Variants in TCEA3 observed in about 807,000 individuals in gnomAD.
TCEA3 encodes the protein transcription elongation factor A3.
In TCEA3, 36 loss-of-function variants were observed where a neutral mutation model predicts 44.0. That is an observed-to-expected ratio of 0.82 (90% CI 0.63 to 1.08). TCEA3 has a LOEUF of 1.08. Ranked by LOEUF, TCEA3 falls within the 50% of genes least tolerant of loss-of-function variation. TCEA3 has a pLI of 0.00. For synonymous variants in TCEA3, 162 were observed against 159.7 expected (o/e 1.01, Z -0.11); for missense variants, 392 against 441.2 (o/e 0.89, Z 1.00).
intron 2 of TCEA3, 109 bp from the exon 3 acceptor site, chr1:23,418,118 G>A: frequency 9.5e-7 from 1 of 1,057,728 alleles, no homozygotes. Context: ...TTCCAACCTG[G>A]ACCCCCAGAG....
chr1:23,415,172 A>G (rs1639853862), intron 4 of TCEA3, among the ~76,000 whole-genome samples: 1 of 151,518 alleles, frequency 6.6e-6, no homozygotes, highest in Non-Finnish European at 1.5e-5. Flanking sequence ...ACAGGCGTGC[A>G]CCACTACCCC....
chr1:23,418,017 G>GT lies in TCEA3; in HGVS notation c.133-9dup. The GT allele has an allele frequency of 6.2e-7, 1 of 1,613,776 alleles. No homozygotes were observed. The highest frequency in any genetic ancestry group is 8.5e-7 in the Non-Finnish European group (1 of 1,179,652). ...AACTCCAATCCTGGTTGTCTGCAAAGTGAGAGGGTTAAGGCATAATCTGGG... is the reference window on the plus strand; with the variant it reads ...AACTCCAATCCTGGTTGTCTGCAAAGTTGAGAGGGTTAAGGCATAATCTGGG... On this transcript the variant is annotated splice_polypyrimidine_tract_variant and intron_variant, in intron 2 of 10. Coordinates refer to ENST00000450454, the MANE Select transcript of TCEA3 (RefSeq NM_003196.3).
At position 23,397,591 on chromosome 1, in the gene TCEA3, C is replaced by T. The variant is rs1639255130; in HGVS notation, c.618G>A (p.Lys206=). The change falls in exon 7 of 11, where the codon AAG becomes AAA. Residue 206 remains lysine, a synonymous_variant. Transcript: ENST00000450454. ...TCTTGTCACAGTTGACTCCATAGTC[C>T]TTGTAATCATCTAAAAGAGATTCGA... ...SAALKADDDY[K]DYGVNCDKMA... The T allele has an allele frequency of 1.2e-6, 2 of 1,613,662 alleles. No homozygotes were observed. Among genetic ancestry groups the T allele is most frequent in the Non-Finnish European group, 8.5e-7 (1 of 1,179,812 alleles).
chr1:23,382,412 T>C (rs1396422959), intron 10 of TCEA3, among the ~76,000 whole-genome samples: 2 of 152,166 alleles, frequency 1.3e-5, no homozygotes, highest in Admixed American at 1.3e-4. Context: ...CCCGTAATAC[T>C]AGTAGATGAC....
chr1:23,385,580 C>T (rs537166374), intron 9 of TCEA3, among the ~76,000 whole-genome samples: 5 of 152,296 alleles, frequency 3.3e-5, no homozygotes, highest in Admixed American at 2.6e-4. Flanking sequence ...CACAGAATGC[C>T]GCAGGCAAGG....
chr1:23,381,404 G>C lies in TCEA3; in HGVS notation c.*62C>G. On this transcript the variant is annotated 3_prime_UTR_variant, in exon 11 of 11. Coordinates refer to ENST00000450454, the MANE Select transcript of TCEA3 (RefSeq NM_003196.3). ...CACTTTAATTTTTATTGCTTCTCCA[G>C]TTCAGATAATTCAGCGCTTCCTCTT... The C allele has an allele frequency of 2.6e-6, 2 of 778,672 alleles. No homozygotes were observed. The highest frequency in any genetic ancestry group is 4.8e-6 in the Non-Finnish European group (2 of 417,490). 48.2% of individuals were successfully genotyped at this position (778,672 alleles called of 1,614,324 possible).
chr1:23,394,087 GGCCTGGCCCTGAC>G, intron 7 of TCEA3, 54 bp from the exon 8 acceptor site: 2 of 1,595,002 alleles, frequency 1.3e-6, no homozygotes. Context: ...GAAGGGTGCA[GGCCTGGCCCTGAC>G]GCCTGAGAGC....
chr1:23,385,226 A>G (rs1196818989), intron 9 of TCEA3, among the ~76,000 whole-genome samples: 1 of 152,114 alleles, frequency 6.6e-6, no homozygotes, highest in Non-Finnish European at 1.5e-5. Flanking sequence ...GCAAGTCATT[A>G]CTTTGCTGAC....
At chr1:23,392,399 C>A (rs1259556437) in intron 8 of TCEA3, among the ~76,000 whole-genome samples, 1 of 11,148 alleles carries the variant, frequency 9.0e-5, no homozygotes, top group Non-Finnish European at 1.9e-4. Flanking sequence ...AAACACACTC[C>A]ACACATCATC....
At chr1:23,389,042 C>G (rs1044842273) in intron 8 of TCEA3, among the ~76,000 whole-genome samples, 17 of 152,078 alleles carry the variant, frequency 1.1e-4, no homozygotes, top group Non-Finnish European at 2.9e-5. Flanking sequence ...TGTTTAAGTC[C>G]TAGTGTGTTA....
At position 23,387,272 on chromosome 1, in the gene TCEA3, C is replaced by T. The variant is rs1344150901; in HGVS notation, c.966+1G>A. 2.5e-6 allele frequency: 4 copies of T among 1,613,560 alleles called. No individual in the cohort carries two copies. The highest frequency in any genetic ancestry group is 2.5e-6 in the Non-Finnish European group (3 of 1,179,868). Reference sequence around the variant, plus strand: ...CCGGCCCGTCCCCTCACTGTCCTTACCTGGTTATAGGTGCAGTTCTTCTTC... The same window carrying T: ...CCGGCCCGTCCCCTCACTGTCCTTATCTGGTTATAGGTGCAGTTCTTCTTC... On this transcript the variant is annotated splice_donor_variant, in intron 9 of 10. Coordinates refer to ENST00000450454, the MANE Select transcript of TCEA3 (RefSeq NM_003196.3). LOFTEE classifies it high-confidence loss of function.
intron 2 of TCEA3, chr1:23,418,348 G>A: frequency 3.8e-6 from 1 of 263,538 alleles, no homozygotes. Context: ...GTCTCGCTAT[G>A]TTGCCCAGGC....
At chr1:23,393,748 G>A in intron 8 of TCEA3, 131 bp downstream of exon 8, 1 of 1,217,372 alleles carries the variant, frequency 8.2e-7, no homozygotes, top group Non-Finnish European at 1.1e-6. Context: ...CCAGGGGGGA[G>A]GCTGAGATGA....
intron 1 of TCEA3, 98 bp downstream of exon 1, chr1:23,424,467 C>T (rs964292347): frequency 4.4e-6 from 5 of 1,133,412 alleles, no homozygotes; most frequent in Non-Finnish European, 6.4e-6. Flanking sequence ...CCCGTACGCG[C>T]CCCCATGGCG....
At chr1:23,420,107 A>C (rs908139057) in intron 1 of TCEA3, among the ~76,000 whole-genome samples, 1 of 152,138 alleles carries the variant, frequency 6.6e-6, no homozygotes, top group Non-Finnish European at 1.5e-5. Flanking sequence ...TTTTATGTAA[A>C]GAGTATGTAG....
chr1:23,404,054 A>G, intron 5 of TCEA3: 2 of 695,102 alleles, frequency 2.9e-6, no homozygotes, highest in Non-Finnish European at 5.3e-6. Flanking sequence ...ACCAGTCCTT[A>G]GAAAATCCTC....
At chr1:23,397,665 T>C (rs1639257933) in intron 6 of TCEA3, 64 bp from the exon 7 acceptor site, 2 of 1,604,202 alleles carry the variant, frequency 1.2e-6, no homozygotes, top group Non-Finnish European at 1.7e-6. Flanking sequence ...AGCCTGCTTG[T>C]ACCTGGGACT....
At chr1:23,392,621 CACACT>C (rs1639090982) in intron 8 of TCEA3, among the ~76,000 whole-genome samples, 1 of 151,342 alleles carries the variant, frequency 6.6e-6, no homozygotes, top group African/African-American at 2.4e-5. Flanking sequence ...CACACACACA[CACACT>C]CCACACATCA....
intron 4 of TCEA3, among the ~76,000 whole-genome samples, chr1:23,413,727 C>G (rs937130720): frequency 6.6e-6 from 1 of 152,244 alleles, no homozygotes; most frequent in African/African-American, 2.4e-5. Context: ...AGCCACTGAG[C>G]CTGGCCTGGC....
Sources: allele counts gnomAD v4.1 joint callset (sites outside exome capture counted in the v4.1 genomes callset), GRCh38; gene constraint gnomAD v4.1.1; transcripts MANE v1.5; gene names NCBI Gene and HGNC (gene_info 2026-07-23, HGNC 2026-07-21).